The following GRIN2B variants were observed in gnomAD, a reference collection of about 807,000 sequenced individuals.
GRIN2B encodes the protein glutamate receptor ionotropic, NMDA 2B.
A neutral mutation model predicts 114.5 loss-of-function variants in GRIN2B; 5 were observed. The observed-to-expected ratio is 0.04, with a 90% CI of 0.02 to 0.09. GRIN2B has a LOEUF of 0.09. GRIN2B is among the 10% of genes least tolerant of loss of function. GRIN2B has a pLI of 1.00. For missense variants in GRIN2B, 1,108 were observed against 1,943.5 expected, an observed-to-expected ratio of 0.57 and a Z score of 8.08; for synonymous variants, 787 against 745.1, an observed-to-expected ratio of 1.06 and a Z score of -0.92.
chr12:13,821,418 G>C (rs1235735789), intron 3 of GRIN2B, among the ~76,000 whole-genome samples: 1 of 152,184 alleles, frequency 6.6e-6, no homozygotes, highest in Admixed American at 6.5e-5. Flanking sequence ...CATCCTTTAA[G>C]AGGCAGTTGC....
chr12:13,767,255 T>G (rs1863812932), intron 3 of GRIN2B, among the ~76,000 whole-genome samples: 1 of 100,746 alleles, frequency 9.9e-6, no homozygotes, highest in Non-Finnish European at 2.1e-5. Flanking sequence ...ACAGACTCTG[T>G]CTCAAAAAAA....
chr12:13,924,151 C>T (rs1033344451), intron 2 of GRIN2B, among the ~76,000 whole-genome samples: 15 of 151,998 alleles, frequency 9.9e-5, no homozygotes, highest in African/African-American at 3.1e-4. Flanking sequence ...TAAAAAGACC[C>T]GAGGCATACA....
chr12:13,936,485 G>A (rs1867132527), intron 2 of GRIN2B, among the ~76,000 whole-genome samples: 1 of 152,096 alleles, frequency 6.6e-6, no homozygotes, highest in South Asian at 2.1e-4. Flanking sequence ...AGAGGGACTT[G>A]GAAAATGCCA....
chr12:13,576,918 T>A (rs190077352), intron 10 of GRIN2B, among the ~76,000 whole-genome samples: 21 of 152,188 alleles, frequency 1.4e-4, no homozygotes, highest in Admixed American at 5.9e-4. Flanking sequence ...TTTCTAGGAG[T>A]CACCCAGATT....
intron 2 of GRIN2B, among the ~76,000 whole-genome samples, chr12:13,943,138 A>T (rs1223382706): frequency 6.6e-6 from 1 of 152,148 alleles, no homozygotes; most frequent in Non-Finnish European, 1.5e-5. Flanking sequence ...ACTTCTCAGT[A>T]GATGTGCCTG....
chr12:13,749,438 A>G lies in GRIN2B; in HGVS notation c.1010+3879T>C, dbSNP rs1255210689. The stretch of plus-strand genomic sequence containing the variant: ...GAGGAGAAGCCACTTTCCTAACCCT[A>G]CATCCCTAGTGTCATGCTGGGGCTG... On this transcript the variant is annotated intron_variant, in intron 4 of 13. Coordinates refer to ENST00000609686, the MANE Select transcript of GRIN2B (RefSeq NM_000834.5). Among the ~76,000 whole-genome samples, 3 of 152,168 alleles carry G rather than the reference A, an allele frequency of 2.0e-5. No homozygotes were observed. The East Asian group carries it at 5.8e-4, about 29-fold the overall frequency.
chr12:13,886,066 C>T (rs527685862), intron 2 of GRIN2B, among the ~76,000 whole-genome samples: 1 of 152,244 alleles, frequency 6.6e-6, no homozygotes, highest in South Asian at 2.1e-4. Flanking sequence ...CCAATTGTCC[C>T]CCAACCCAAT....
intron 2 of GRIN2B, among the ~76,000 whole-genome samples, chr12:13,939,067 T>A (rs533821897): frequency 1.3e-5 from 2 of 152,202 alleles, no homozygotes; most frequent in South Asian, 4.1e-4. Flanking sequence ...CTACTCCTTG[T>A]CTATTCTGAA....
chr12:13,954,674 C>G (rs1187697791), intron 2 of GRIN2B, among the ~76,000 whole-genome samples: 1 of 151,276 alleles, frequency 6.6e-6, no homozygotes, highest in Non-Finnish European at 1.5e-5. Flanking sequence ...TACCTGGGTG[C>G]GATGGTGCAC....
Position 13,560,286 on chromosome 12 carries a change from A to G in GRIN2B, c.*2497T>C, listed in dbSNP as rs2136398263. 1 of 152,326 alleles carries G rather than the reference A, an allele frequency of 6.6e-6. No individual in the cohort carries two copies. The highest frequency in any genetic ancestry group is 1.5e-5 in the Non-Finnish European group (1 of 68,030). 9.4% of individuals were successfully genotyped at this position (152,326 alleles called of 1,614,324 possible). The stretch of plus-strand genomic sequence containing the variant: ...AACAATTCCCCCAATGGGAAATGAA[A>G]ACCCATAACAAAACACTTTTTCCCT... On this transcript the variant is annotated 3_prime_UTR_variant, in exon 14 of 14. Coordinates refer to ENST00000609686, the MANE Select transcript of GRIN2B (RefSeq NM_000834.5).
intron 2 of GRIN2B, among the ~76,000 whole-genome samples, chr12:13,949,071 G>C (rs1357897094): frequency 6.6e-6 from 1 of 152,190 alleles, no homozygotes; most frequent in Non-Finnish European, 1.5e-5. Flanking sequence ...GCAGGTGATA[G>C]CAGAATTATC....
At chr12:13,725,935 T>C (rs1366135383) in intron 4 of GRIN2B, among the ~76,000 whole-genome samples, 3 of 152,036 alleles carry the variant, frequency 2.0e-5, no homozygotes, top group Non-Finnish European at 4.4e-5. Context: ...CTGGAGTTTC[T>C]TGCAGATCTT....
intron 3 of GRIN2B, among the ~76,000 whole-genome samples, chr12:13,856,426 C>T (rs1865662125): frequency 6.6e-6 from 1 of 152,038 alleles, no homozygotes. Context: ...TTCCATGTGG[C>T]AGCACAGACA....
chr12:13,819,556 A>T (rs1235679430), intron 3 of GRIN2B, among the ~76,000 whole-genome samples: 1 of 152,198 alleles, frequency 6.6e-6, no homozygotes, highest in Non-Finnish European at 1.5e-5. Context: ...TGAAAAGGTA[A>T]TAGCGTGTAT....
chr12:13,918,765 T>C (rs114164985), intron 2 of GRIN2B, among the ~76,000 whole-genome samples: 2,606 of 152,336 alleles, frequency 0.017, 80 homozygotes, highest in African/African-American at 0.059. Flanking sequence ...AGGTCTCTTT[T>C]TTATACAGTA....
intron 4 of GRIN2B, among the ~76,000 whole-genome samples, chr12:13,746,650 C>A (rs1047524126): frequency 6.6e-6 from 1 of 152,086 alleles, no homozygotes; most frequent in Admixed American, 6.5e-5. Context: ...GATGTTTGTC[C>A]CCCCCAAATC....
chr12:13,740,776 T>C (rs1863268990), intron 4 of GRIN2B, among the ~76,000 whole-genome samples: 1 of 152,198 alleles, frequency 6.6e-6, no homozygotes, highest in South Asian at 2.1e-4. Context: ...TGTTTTTTCC[T>C]CTATGGGTTA....
intron 3 of GRIN2B, among the ~76,000 whole-genome samples, chr12:13,808,770 T>TATATATATATATAC (rs1491493981): frequency 2.1e-5 from 3 of 141,398 alleles, no homozygotes; most frequent in East Asian, 4.0e-4. Context: ...TATATATATA[T>TATATATATATATAC]ACATATAAAA....
At chr12:13,627,541 C>G (rs1232560149) in intron 5 of GRIN2B, among the ~76,000 whole-genome samples, 2 of 152,174 alleles carry the variant, frequency 1.3e-5, no homozygotes, top group East Asian at 3.8e-4. Flanking sequence ...CTGTCAACAT[C>G]TCAGAAGCCA....
Sources: allele counts gnomAD v4.1 joint callset (sites outside exome capture counted in the v4.1 genomes callset), GRCh38; gene constraint gnomAD v4.1.1; transcripts MANE v1.5; gene names NCBI Gene and HGNC (gene_info 2026-07-23, HGNC 2026-07-21).